CLASP1: variants seen among roughly 807,000 people sequenced by gnomAD.
The protein encoded by CLASP1 is cytoplasmic linker associated protein 1, also known as CLIP-associating protein 1.
Under a neutral mutation model 192.3 loss-of-function variants are expected in CLASP1, and 38 were observed. That is an observed-to-expected ratio of 0.20 (90% CI 0.15 to 0.26). The LOEUF is 0.26. Among genes scored for constraint, CLASP1 ranks in the 10% least tolerant of loss-of-function variants. The probability of loss-of-function intolerance (pLI) is 1.00; values close to 1 mark genes in which losing one functional copy is unlikely to be tolerated. For missense variants in CLASP1, 1,433 were observed against 1,932.5 expected (o/e 0.74, Z 4.85); for synonymous variants, 691 against 712.8 (o/e 0.97, Z 0.49).
intron 2 of CLASP1, among the ~76,000 whole-genome samples, chr2:121,540,595 T>G (rs924793370): frequency 6.6e-6 from 1 of 152,096 alleles, no homozygotes; most frequent in Admixed American, 6.6e-5. Context: ...AAGACCAGCC[T>G]GACCAACATG....
At chr2:121,608,627 T>C (rs1360914614) in intron 1 of CLASP1, among the ~76,000 whole-genome samples, 1 of 152,166 alleles carries the variant, frequency 6.6e-6, no homozygotes, top group Non-Finnish European at 1.5e-5. Context: ...ACTGCAGTTA[T>C]GCCAGTAAGT....
At chr2:121,501,023 T>A (rs72969354) in intron 8 of CLASP1, among the ~76,000 whole-genome samples, 208 of 152,340 alleles carry the variant, frequency 1.4e-3, no homozygotes, top group African/African-American at 4.7e-3. Flanking sequence ...TTGGCATTCC[T>A]GAGGGTGAAA....
At chr2:121,381,302 G>A (rs2071581203) in intron 33 of CLASP1, among the ~76,000 whole-genome samples, 1 of 151,134 alleles carries the variant, frequency 6.6e-6, no homozygotes, top group Admixed American at 6.6e-5. Flanking sequence ...AAAGTAACAG[G>A]TCTTTTTTTT....
intron 3 of CLASP1, 108 bp from the exon 4 acceptor site, chr2:121,528,888 A>G (rs2094658373): frequency 1.2e-6 from 1 of 818,236 alleles, no homozygotes; most frequent in Non-Finnish European, 2.1e-6. Flanking sequence ...GACCTAAATG[A>G]TGTATCTCAT....
chr2:121,456,367 G>T (rs1291175008), intron 14 of CLASP1, among the ~76,000 whole-genome samples: 1 of 150,702 alleles, frequency 6.6e-6, no homozygotes, highest in Non-Finnish European at 1.5e-5. Context: ...AAAGAAAAAA[G>T]ATTAGTGGGC....
chr2:121,635,209 T>TAAAA (rs776754807), intron 1 of CLASP1, among the ~76,000 whole-genome samples: 2 of 137,276 alleles, frequency 1.5e-5, no homozygotes, highest in African/African-American at 5.5e-5. Context: ...ATTGCGTCTG[T>TAAAA]AAAAAAAAAA....
At chr2:121,339,133 A>AC (rs2062586586) in exon 40 of CLASP1, 1 of 106,830 alleles carries the variant, frequency 9.4e-6, no homozygotes, top group African/African-American at 4.5e-5. Context: ...ACACAACACC[A>AC]CACACACACA....
intron 13 of CLASP1, among the ~76,000 whole-genome samples, chr2:121,458,014 A>G (rs964383281): frequency 1.3e-5 from 2 of 152,242 alleles, no homozygotes; most frequent in Non-Finnish European, 2.9e-5. Flanking sequence ...AAATTATCTC[A>G]GCTGTAGACA....
At chr2:121,448,357 T>G (rs372160454) in intron 17 of CLASP1, 32 bp from the exon 18 acceptor site, 3 of 1,470,114 alleles carry the variant, frequency 2.0e-6, no homozygotes, top group Non-Finnish European at 2.9e-6. Flanking sequence ...ATTTATTACA[T>G]GTACTGTACC....
intron 37 of CLASP1, among the ~76,000 whole-genome samples, chr2:121,350,689 C>A (rs999213479): frequency 1.3e-5 from 2 of 152,182 alleles, no homozygotes; most frequent in Non-Finnish European, 2.9e-5. Flanking sequence ...TAACAATGGA[C>A]ACGTTTGGGG....
rs566545019 is a variant in CLASP1 at position 121,608,361 on chromosome 2, C to T, written c.-285-2181G>A. Among the ~76,000 whole-genome samples the T allele has an allele frequency of 2.0e-3, 307 of 152,308 alleles. 1 individual carries two copies. Among genetic ancestry groups the T allele is most frequent in the African/African-American group, 6.0e-3 (248 of 41,560 alleles). ...CTCACCCAGGTGGAGTCCAAGTCCC[C>T]TCCTGCAATGACTCTGGGCTTAACC... On this transcript the variant is annotated intron_variant, in intron 1 of 39. Transcript: ENST00000263710.
chr2:121,437,186 C>A (rs544576397), intron 19 of CLASP1, among the ~76,000 whole-genome samples: 1 of 152,190 alleles, frequency 6.6e-6, no homozygotes, highest in South Asian at 2.1e-4. Flanking sequence ...CCAGGCTTAA[C>A]TCCTGGGCTC....
chr2:121,476,932 T>A lies in CLASP1; in HGVS notation c.713-6972A>T, dbSNP rs190572612. 3.3e-5 allele frequency among the ~76,000 whole-genome samples: 5 copies of A among 152,364 alleles called. No individual in the cohort carries two copies. In the East Asian group the frequency reaches 9.6e-4, roughly 29 times the overall value. On this transcript the variant is annotated intron_variant, in intron 8 of 39. Transcript: ENST00000263710. The stretch of plus-strand genomic sequence containing the variant: ...CCCAAAATTTCTTTCTTCTTGAATT[T>A]GCAGAGCTCCAAACCTTTTGCAAAG...
At chr2:121,622,578 A>G (rs1254182095) in intron 1 of CLASP1, among the ~76,000 whole-genome samples, 4 of 151,978 alleles carry the variant, frequency 2.6e-5, no homozygotes, top group Non-Finnish European at 5.9e-5. Flanking sequence ...AAAAAAAAAA[A>G]AAAGAATCTA....
chr2:121,408,175 C>T (rs1344007908), intron 24 of CLASP1, among the ~76,000 whole-genome samples: 1 of 152,216 alleles, frequency 6.6e-6, no homozygotes, highest in Non-Finnish European at 1.5e-5. Context: ...CAGCCAACAG[C>T]CCCTCCCCAG....
chr2:121,564,233 G>T (rs1287239923), intron 2 of CLASP1, among the ~76,000 whole-genome samples: 1 of 152,176 alleles, frequency 6.6e-6, no homozygotes, highest in African/African-American at 2.4e-5. Flanking sequence ...ACAAAAAAAG[G>T]TGGCGGCGGG....
At chr2:121,601,590 T>C (rs1415435951) in intron 2 of CLASP1, among the ~76,000 whole-genome samples, 1 of 152,088 alleles carries the variant, frequency 6.6e-6, no homozygotes, top group Non-Finnish European at 1.5e-5. Context: ...TTTTAAGAAC[T>C]AGAACAGTAC....
intron 1 of CLASP1, among the ~76,000 whole-genome samples, chr2:121,606,768 G>T (rs923547516): frequency 2.0e-5 from 3 of 152,226 alleles, no homozygotes; most frequent in Admixed American, 2.0e-4. Flanking sequence ...GACACAAAAA[G>T]AGAAAGGAGG....
chr2:121,433,315 G>A (rs1461588070), intron 19 of CLASP1, among the ~76,000 whole-genome samples: 14 of 141,936 alleles, frequency 9.9e-5, no homozygotes, highest in African/African-American at 2.6e-4. Flanking sequence ...GCAAAACCCT[G>A]TCTAAAAAAG....
Sources: gnomAD v4.1 joint callset for allele counts (sites outside exome capture counted in the v4.1 genomes callset) on GRCh38, gnomAD v4.1.1 for gene constraint, MANE v1.5 for transcripts, NCBI Gene and HGNC (gene_info 2026-07-23, HGNC 2026-07-21) for gene names.